The following MDGA2 variants were observed in gnomAD, a reference collection of about 807,000 sequenced individuals.
The protein encoded by MDGA2 is MAM domain containing glycosylphosphatidylinositol anchor 2, also known as MAM domain-containing glycosylphosphatidylinositol anchor protein 2.
A neutral mutation model predicts 117.8 loss-of-function variants in MDGA2; 40 were observed. The observed-to-expected ratio is 0.34, with a 90% confidence interval of 0.26 to 0.44. The LOEUF (loss-of-function observed/expected upper bound fraction) is 0.44. MDGA2 is among the 20% of genes least tolerant of loss of function. MDGA2 has a pLI of 1.00. For missense variants in MDGA2, 1,123 were observed against 1,250.6 expected, an observed-to-expected ratio of 0.90 and a Z score of 1.54; for synonymous variants, 452 against 439.0, an observed-to-expected ratio of 1.03 and a Z score of -0.37.
chr14:47,016,072 T>A (rs1888072679), intron 8 of MDGA2, among the ~76,000 whole-genome samples: 1 of 152,102 alleles, frequency 6.6e-6, no homozygotes, highest in Non-Finnish European at 1.5e-5. Context: ...AAAATATATT[T>A]AAAAATTTTA....
intron 2 of MDGA2, among the ~76,000 whole-genome samples, chr14:47,253,396 T>A (rs1287550479): frequency 6.6e-6 from 1 of 152,182 alleles, no homozygotes; most frequent in Non-Finnish European, 1.5e-5. Context: ...ATTGGGTAAA[T>A]ACACCAGTTC....
At position 47,001,014 on chromosome 14, in the gene MDGA2, A is replaced by T. The variant is rs565655879; in HGVS notation, c.1819+33997T>A. On this transcript the variant is annotated intron_variant, in intron 8 of 16. Transcript: ENST00000399232. ...CATCATCAGCCCAAGATGTGGACAGAACATAAAATACTCAGACTTCGAACA... is the reference window on the plus strand; with the variant it reads ...CATCATCAGCCCAAGATGTGGACAGTACATAAAATACTCAGACTTCGAACA... 8.5e-5 allele frequency among the ~76,000 whole-genome samples: 13 copies of T among 152,142 alleles called. No individual in the cohort carries two copies. The South Asian group carries it at 2.3e-3, about 27-fold the overall frequency.
intron 1 of MDGA2, among the ~76,000 whole-genome samples, chr14:47,517,378 C>G (rs1483918512): frequency 6.6e-6 from 1 of 152,012 alleles, no homozygotes; most frequent in Non-Finnish European, 1.5e-5. Flanking sequence ...TGTGAACACT[C>G]ATAGCAAAAG....
chr14:47,181,109 T>C (rs994976351), intron 3 of MDGA2, among the ~76,000 whole-genome samples: 17 of 152,134 alleles, frequency 1.1e-4, no homozygotes, highest in Non-Finnish European at 2.2e-4. Context: ...TTCCAGGATA[T>C]ATGTGCAGAA....
chr14:47,036,672 T>C (rs1258958140), intron 7 of MDGA2, among the ~76,000 whole-genome samples: 1 of 152,228 alleles, frequency 6.6e-6, no homozygotes, highest in Non-Finnish European at 1.5e-5. Flanking sequence ...GAATGAAAAG[T>C]GAAAGGTTTT....
rs1350115129 is a variant in MDGA2, at chr14:47,031,344, G to C, written c.1819+3667C>G. Among the ~76,000 whole-genome samples the C allele has an allele frequency of 5.9e-5, 9 of 151,822 alleles. No individual in the cohort carries two copies. The East Asian group carries it at 1.7e-3, about 29-fold the overall frequency. On this transcript the variant is annotated intron_variant, in intron 8 of 16. Coordinates refer to ENST00000399232, the MANE Select transcript of MDGA2 (RefSeq NM_001113498.3). ...TTTTTGAGTGGTTATTGTTTAATTG[G>C]ACGCAAGTAAAACTAAGCAAGTAAA...
intron 1 of MDGA2, among the ~76,000 whole-genome samples, chr14:47,672,002 G>A (rs1204894230): frequency 6.6e-6 from 1 of 152,090 alleles, no homozygotes; most frequent in African/African-American, 2.4e-5. Flanking sequence ...CACTCGAGGT[G>A]ATGAACACAA....
At chr14:46,886,347 C>T (rs915940432) in intron 10 of MDGA2, among the ~76,000 whole-genome samples, 19 of 151,986 alleles carry the variant, frequency 1.3e-4, no homozygotes, top group African/African-American at 4.4e-4. Flanking sequence ...ATGCAACATA[C>T]ATCAACATGG....
At chr14:47,117,048 T>G (rs1881370729) in intron 5 of MDGA2, among the ~76,000 whole-genome samples, 1 of 150,146 alleles carries the variant, frequency 6.7e-6, no homozygotes, top group Admixed American at 6.6e-5. Flanking sequence ...ATCCCAAAAC[T>G]CAATAGCAAA....
intron 1 of MDGA2, among the ~76,000 whole-genome samples, chr14:47,512,334 C>T (rs1011868251): frequency 1.3e-5 from 2 of 152,088 alleles, no homozygotes; most frequent in Non-Finnish European, 2.9e-5. Context: ...CATTTTTCTG[C>T]ATTAGGAAAT....
At chr14:47,345,203 G>A (rs143719191) in intron 1 of MDGA2, among the ~76,000 whole-genome samples, 256 of 152,142 alleles carry the variant, frequency 1.7e-3, no homozygotes, top group Non-Finnish European at 2.9e-3. Flanking sequence ...TAGTTCTACA[G>A]TTCTGAATAC....
At chr14:47,512,312 G>C (rs1465887401) in intron 1 of MDGA2, among the ~76,000 whole-genome samples, 2 of 152,034 alleles carry the variant, frequency 1.3e-5, no homozygotes, top group African/African-American at 4.8e-5. Flanking sequence ...ACCCATTGTA[G>C]CTTTTTCTTC....
chr14:47,012,621 T>G (rs981772559), intron 8 of MDGA2, among the ~76,000 whole-genome samples: 1 of 152,178 alleles, frequency 6.6e-6, no homozygotes, highest in Non-Finnish European at 1.5e-5. Flanking sequence ...CTATAGTGTT[T>G]AGCATAAAGT....
At chr14:47,500,677 A>C (rs1360368373) in intron 1 of MDGA2, among the ~76,000 whole-genome samples, 2 of 152,092 alleles carry the variant, frequency 1.3e-5, no homozygotes, top group Non-Finnish European at 2.9e-5. Flanking sequence ...ATTAGAAATA[A>C]TCATGACTAC....
chr14:47,392,830 C>G (rs140182682), intron 1 of MDGA2, among the ~76,000 whole-genome samples: 13 of 152,116 alleles, frequency 8.5e-5, no homozygotes, highest in African/African-American at 2.9e-4. Context: ...ACACATAAGT[C>G]TGTTATTGCC....
intron 1 of MDGA2, among the ~76,000 whole-genome samples, chr14:47,429,277 G>GATATATATAT: frequency 6.7e-6 from 1 of 149,534 alleles, no homozygotes; most frequent in Middle Eastern, 3.6e-3. Context: ...CAAATATGAA[G>GATATATATAT]ATATATATAT....
At position 47,092,905 on chromosome 14, in the gene MDGA2, C is replaced by T. The variant is rs368316317; in HGVS notation, c.1195+3949G>A. On this transcript the variant is annotated intron_variant, in intron 6 of 16. Coordinates refer to ENST00000399232, the MANE Select transcript of MDGA2 (RefSeq NM_001113498.3). ...TGGCATATTCATGGACTCAGGGAAA[C>T]GCCCATCACTGGACACCTCTCTTTG... 1.1e-3 allele frequency among the ~76,000 whole-genome samples: 162 copies of T among 152,144 alleles called. 2 individuals carry two copies. Among genetic ancestry groups the T allele is most frequent in the African/African-American group, 3.6e-3 (151 of 41,528 alleles).
intron 7 of MDGA2, among the ~76,000 whole-genome samples, chr14:47,048,772 C>T (rs780292528): frequency 7.2e-5 from 11 of 151,964 alleles, no homozygotes; most frequent in African/African-American, 1.2e-4. Context: ...TTAACAGATC[C>T]GTTAATAGAT....
intron 3 of MDGA2, among the ~76,000 whole-genome samples, chr14:47,158,364 GT>G (rs1443677523): frequency 1.6e-3 from 83 of 50,986 alleles, no homozygotes; most frequent in Middle Eastern, 9.1e-3. Flanking sequence ...CCTGGGGTGG[GT>G]GTGTGTGTGT....
Sources: gnomAD v4.1 joint callset for allele counts (sites outside exome capture counted in the v4.1 genomes callset) on GRCh38, gnomAD v4.1.1 for gene constraint, MANE v1.5 for transcripts, NCBI Gene and HGNC (gene_info 2026-07-23, HGNC 2026-07-21) for gene names.